Variants in MINDY4 observed in about 807,000 individuals in gnomAD.
MINDY4 encodes the protein MINDY lysine 48 deubiquitinase 4.
A neutral mutation model predicts 87.0 loss-of-function variants in MINDY4; 68 were observed. That is an observed-to-expected ratio of 0.78 (90% CI 0.64 to 0.96). MINDY4 has a LOEUF of 0.96. Among genes scored for constraint, MINDY4 ranks in the 40% least tolerant of loss-of-function variants. The probability of loss-of-function intolerance (pLI) is 0.00; values close to 1 mark genes in which losing one functional copy is unlikely to be tolerated. For missense variants in MINDY4, 919 were observed against 928.2 expected, an observed-to-expected ratio of 0.99 and a Z score of 0.13; for synonymous variants, 379 against 363.2, an observed-to-expected ratio of 1.04 and a Z score of -0.50.
At chr7:30,841,276 T>G (rs1178460645) in intron 9 of MINDY4, among the ~76,000 whole-genome samples, 2 of 152,162 alleles carry the variant, frequency 1.3e-5, no homozygotes, top group African/African-American at 4.8e-5. Context: ...TCACTTCCAC[T>G]CCCTGCAGCC....
chr7:30,809,222 A>T (rs1190057100), intron 5 of MINDY4, among the ~76,000 whole-genome samples: 1 of 152,130 alleles, frequency 6.6e-6, no homozygotes, highest in East Asian at 1.9e-4. Flanking sequence ...TCCTATCAAA[A>T]TTCCTTAACC....
intron 6 of MINDY4, among the ~76,000 whole-genome samples, chr7:30,835,740 C>G (rs1318311546): frequency 1.3e-5 from 2 of 152,348 alleles, no homozygotes; most frequent in African/African-American, 4.8e-5. Context: ...CAGAGCCAAG[C>G]CCTCAGCTAC....
At chr7:30,874,123 G>A (rs952819145) in intron 14 of MINDY4, among the ~76,000 whole-genome samples, 7 of 152,220 alleles carry the variant, frequency 4.6e-5, no homozygotes, top group Admixed American at 6.5e-5. Context: ...CCATTCCTAC[G>A]TGCTCCACTG....
intron 1 of MINDY4, 85 bp downstream of exon 1, chr7:30,771,641 C>T: frequency 7.3e-7 from 1 of 1,375,616 alleles, no homozygotes; most frequent in Non-Finnish European, 9.9e-7. Flanking sequence ...TTTGCAGCTT[C>T]TGGGAGGGCG....
Position 30,882,906 on chromosome 7 carries a change from TCTC to T in MINDY4, c.2153-9_2153-7del. On this transcript the variant is annotated splice_polypyrimidine_tract_variant and intron_variant, in intron 16 of 17. Transcript: ENST00000265299. Reference sequence around the variant, plus strand: ...GCCCTGGGTGACATGTGTGTGCCTCTCTCCTCCTTCCCAGACACCACCCAAACC... The same window carrying T: ...GCCCTGGGTGACATGTGTGTGCCTCTCTCCTTCCCAGACACCACCCAAACC... 1 of 1,613,418 alleles carries T rather than the reference TCTC, an allele frequency of 6.2e-7. No individual in the cohort carries two copies.
intron 5 of MINDY4, among the ~76,000 whole-genome samples, chr7:30,827,334 AG>A (rs1292853352): frequency 6.6e-6 from 1 of 152,200 alleles, no homozygotes; most frequent in Non-Finnish European, 1.5e-5. Flanking sequence ...CGGGATAGGC[AG>A]GGTAGAACCG....
intron 13 of MINDY4, among the ~76,000 whole-genome samples, chr7:30,867,136 C>G (rs183520527): frequency 6.6e-6 from 1 of 152,168 alleles, no homozygotes; most frequent in Non-Finnish European, 1.5e-5. Context: ...CCAAAGGTCA[C>G]GCAGTGCAGG....
chr7:30,888,420 G>A (rs776461036), intron 17 of MINDY4, among the ~76,000 whole-genome samples: 1 of 152,186 alleles, frequency 6.6e-6, no homozygotes, highest in Non-Finnish European at 1.5e-5. Context: ...AATGCCTTAG[G>A]TACCGAGGAT....
intron 14 of MINDY4, among the ~76,000 whole-genome samples, chr7:30,872,604 C>G (rs980390072): frequency 1.3e-5 from 2 of 152,220 alleles, no homozygotes; most frequent in African/African-American, 4.8e-5. Context: ...TGCTACACAG[C>G]CCGGAGCCCA....
chr7:30,828,661 A>C lies in MINDY4; in HGVS notation c.1074-18A>C. On this transcript the variant is annotated intron_variant, in intron 5 of 17. Transcript: ENST00000265299. ...TCTGTCAGTCTCCTCTGGTACATTG[A>C]TATTTTCTATTTTCCAGGAAAAATC... The C allele has an allele frequency of 6.2e-7, 1 of 1,613,456 alleles. No homozygotes were observed. Among genetic ancestry groups the C allele is most frequent in the East Asian group, 2.2e-5 (1 of 44,878 alleles).
intron 13 of MINDY4, among the ~76,000 whole-genome samples, chr7:30,860,713 T>C (rs1458942969): frequency 6.6e-6 from 1 of 152,066 alleles, no homozygotes; most frequent in Non-Finnish European, 1.5e-5. Flanking sequence ...CCTTGTTACA[T>C]GCATGCTCCT....
In MINDY4 at chr7:30,853,411, G is replaced by T. The variant is rs751960716; in HGVS notation, c.1629G>T (p.Leu543Phe). The change falls in exon 12 of 18, where the codon TTG becomes TTT. Residue 543 changes from leucine (L) to phenylalanine (F), a missense_variant. Physicochemically the swap from Leu to Phe is conservative, Grantham distance 22. Transcript: ENST00000265299. ...GVLETLTLHS[L>F]TCYEDLVTFL... is the part of the protein sequence containing the mutation. ...CTTCTCAGCTTACGCTTCACAGTTTGACCTGCTATGAGGACCTGGTGACTT... is the reference window on the plus strand; with the variant it reads ...CTTCTCAGCTTACGCTTCACAGTTTTACCTGCTATGAGGACCTGGTGACTT... 1.9e-6 allele frequency: 3 copies of T among 1,613,722 alleles called. No homozygotes were observed. In the South Asian group the frequency reaches 3.3e-5, roughly 18 times the overall value.
At chr7:30,813,400 TC>T (rs1314643098) in intron 5 of MINDY4, among the ~76,000 whole-genome samples, 1 of 152,214 alleles carries the variant, frequency 6.6e-6, no homozygotes, top group Non-Finnish European at 1.5e-5. Context: ...GCTGTGGGGT[TC>T]ATGGAAAGTT....
At chr7:30,838,193 T>A (rs1341906748) in intron 7 of MINDY4, among the ~76,000 whole-genome samples, 1 of 152,130 alleles carries the variant, frequency 6.6e-6, no homozygotes, top group Non-Finnish European at 1.5e-5. Context: ...TGAGGGCCTG[T>A]CCATGGGGAA....
In MINDY4 at chr7:30,791,224, C is replaced by A; in HGVS notation, c.723C>A (p.Pro241=). The A allele has an allele frequency of 6.2e-7, 1 of 1,614,168 alleles. No individual in the cohort carries two copies. Among genetic ancestry groups the A allele is most frequent in the Non-Finnish European group, 8.5e-7 (1 of 1,180,038 alleles). The change falls in exon 5 of 18, where the codon CCC becomes CCA. Residue 241 remains proline (P), a synonymous_variant. Transcript: ENST00000265299. ...RSSPSSSSTQ[P]QEESRKVPEL... ...CACCGTCAAGCAGCTCCACCCAACC[C>A]CAAGAAGAGAGCCGGAAGGTCCCTG...
intron 17 of MINDY4, among the ~76,000 whole-genome samples, chr7:30,885,896 C>T (rs1410468507): frequency 1.3e-5 from 2 of 152,170 alleles, no homozygotes; most frequent in Non-Finnish European, 2.9e-5. Context: ...TCCACTTCCC[C>T]CATCAATCCC....
chr7:30,816,522 A>G (rs963101940), intron 5 of MINDY4, among the ~76,000 whole-genome samples: 3 of 152,186 alleles, frequency 2.0e-5, no homozygotes, highest in African/African-American at 7.2e-5. Context: ...AGGAGGCTGG[A>G]GTACAGCATG....
At chr7:30,883,456 G>A (rs1790533023) in intron 17 of MINDY4, among the ~76,000 whole-genome samples, 1 of 152,180 alleles carries the variant, frequency 6.6e-6, no homozygotes, top group African/African-American at 2.4e-5. Context: ...AGGAGCCGGA[G>A]GAGCAGCTCC....
In MINDY4 at chr7:30,882,962, G is replaced by A. The variant is rs753436122; in HGVS notation, c.2194G>A (p.Val732Ile). 6.8e-6 allele frequency: 11 copies of A among 1,613,946 alleles called. No homozygotes were observed. The highest frequency in any genetic ancestry group is 8.5e-6 in the Non-Finnish European group (10 of 1,179,992). ...TISEDTDNDLVPPLELCIRTK... is the reference protein window; with the variant it reads ...TISEDTDNDLIPPLELCIRTK... Reference sequence around the variant, plus strand: ...CTCTGAGGACACAGACAACGACCTTGTCCCACCCCTCGAGCTCTGCATCAG... The same window carrying A: ...CTCTGAGGACACAGACAACGACCTTATCCCACCCCTCGAGCTCTGCATCAG... The change falls in exon 17 of 18, where the codon GTC (valine) becomes ATC (isoleucine). Residue 732 changes from valine to isoleucine, a missense_variant. Physicochemically the swap from Val to Ile is conservative, Grantham distance 29. Transcript: ENST00000265299.
Sources: allele counts gnomAD v4.1 joint callset (sites outside exome capture counted in the v4.1 genomes callset), GRCh38; gene constraint gnomAD v4.1.1; transcripts MANE v1.5; gene names NCBI Gene and HGNC (gene_info 2026-07-23, HGNC 2026-07-21).